The following LRRIQ1 variants were observed in gnomAD, a reference collection of about 807,000 sequenced individuals.
LRRIQ1 encodes the protein leucine rich repeats and IQ motif containing 1.
LRRIQ1 carries 210 observed loss-of-function variants against 211.9 expected under a neutral mutation model. The observed-to-expected ratio is 0.99, with a 90% CI of 0.89 to 1.11. The LOEUF (loss-of-function observed/expected upper bound fraction) is 1.11. Ranked by LOEUF, LRRIQ1 falls within the 50% of genes most tolerant of loss-of-function variation. The pLI, the probability that LRRIQ1 is intolerant of heterozygous loss-of-function variation, is 0.00. For missense variants in LRRIQ1, 2,136 were observed against 1,939.5 expected (o/e 1.10, Z -1.90); for synonymous variants, 699 against 650.1 (o/e 1.08, Z -1.14).
intron 14 of LRRIQ1, 29 bp downstream of exon 14, chr12:85,104,106 A>G (rs1317094208): frequency 8.5e-7 from 1 of 1,177,744 alleles, no homozygotes; most frequent in African/African-American, 1.6e-5. Context: ...ATATATTTTA[A>G]TAATAGACTT....
rs768972522 is a variant in LRRIQ1 at position 85,052,184 on chromosome 12, A to T, written c.686A>T (p.Gln229Leu). The T allele has an allele frequency of 2.4e-5, 36 of 1,520,614 alleles. No homozygotes were observed. Among genetic ancestry groups the T allele is most frequent in the Admixed American group, 9.7e-5 (5 of 51,756 alleles). 94.2% of individuals were successfully genotyped at this position (1,520,614 alleles called of 1,614,324 possible). A position where few individuals can be genotyped will look rare whatever the true frequency, so the allele number is the denominator to read the frequency against. ...KKLENIQKQE[Q>L]DKMNDELYKE... ...TTATTATCATATGTTCAGCAAGAAC[A>T]GGACAAGATGAATGATGAACTCTAT... Residue 229 changes from glutamine to leucine, a missense_variant, in exon 7 of 27, where the codon CAG becomes CTG. Coordinates refer to ENST00000393217, the MANE Select transcript of LRRIQ1 (RefSeq NM_001079910.2).
Position 85,057,056 on chromosome 12 carries a change from A to G in LRRIQ1, c.2263A>G (p.Ile755Val), listed in dbSNP as rs746197325. Reference sequence around the variant, plus strand: ...AAAATCATTTAAACCTTGGCTTGAAATTTTCAAGCAAAATCAACAAAAGAA... The same window carrying G: ...AAAATCATTTAAACCTTGGCTTGAAGTTTTCAAGCAAAATCAACAAAAGAA... ...WIKSFKPWLE[I>V]FKQNQQKKIV... The change falls in exon 8 of 27, where the codon ATT (isoleucine) becomes GTT (valine). Residue 755 changes from isoleucine (I) to valine (V), a missense_variant. Physicochemically the swap from Ile to Val is conservative, Grantham distance 29 (BLOSUM62 3). Coordinates refer to ENST00000393217, the MANE Select transcript of LRRIQ1 (RefSeq NM_001079910.2). 1 of 1,609,088 alleles carries G rather than the reference A, an allele frequency of 6.2e-7. No individual in the cohort carries two copies. Among genetic ancestry groups the G allele is most frequent in the Admixed American group, 1.7e-5 (1 of 58,956 alleles).
chr12:85,173,658 C>T (rs900887923), intron 24 of LRRIQ1, among the ~76,000 whole-genome samples: 1 of 151,940 alleles, frequency 6.6e-6, no homozygotes, highest in African/African-American at 2.4e-5. Context: ...CACACACACA[C>T]AGAAAGAGAG....
intron 26 of LRRIQ1, among the ~76,000 whole-genome samples, chr12:85,236,842 TATATATATATATATCTCCCAG>T (rs1895204630): frequency 6.9e-6 from 1 of 144,776 alleles, no homozygotes; most frequent in Non-Finnish European, 1.5e-5. Flanking sequence ...TATATATATA[TATATATATATATATCTCCCAG>T]ATTATTTTTA....
intron 19 of LRRIQ1, among the ~76,000 whole-genome samples, chr12:85,144,418 A>G (rs78141010): frequency 0.099 from 15,087 of 151,686 alleles, 1,019 homozygotes; most frequent in Middle Eastern, 0.18. Flanking sequence ...GTAAAAATTA[A>G]GAAAGTTTAA....
chr12:85,184,545 A>G (rs1462663139), intron 24 of LRRIQ1, among the ~76,000 whole-genome samples: 2 of 152,048 alleles, frequency 1.3e-5, no homozygotes, highest in African/African-American at 2.4e-5. Flanking sequence ...ATTAAAGAGC[A>G]GTAACTACAA....
At chr12:85,130,180 T>C (rs1888652165) in intron 18 of LRRIQ1, among the ~76,000 whole-genome samples, 1 of 152,178 alleles carries the variant, frequency 6.6e-6, no homozygotes, top group Non-Finnish European at 1.5e-5. Flanking sequence ...AGTATTTCCA[T>C]TTACTTAATT....
At chr12:85,265,447 T>A (rs1288667139), downstream of LRRIQ1, among the ~76,000 whole-genome samples, 1 of 152,022 alleles carries the variant, frequency 6.6e-6, no homozygotes, top group African/African-American at 2.4e-5. Context: ...TAATATGAGA[T>A]GTAATTCTAT....
intron 24 of LRRIQ1, among the ~76,000 whole-genome samples, chr12:85,171,726 G>A (rs1891426824): frequency 6.6e-6 from 1 of 152,124 alleles, no homozygotes. Flanking sequence ...TAATCCAATA[G>A]AATGAATGTC....
At chr12:85,165,267 C>A (rs1056242827) in intron 24 of LRRIQ1, among the ~76,000 whole-genome samples, 1 of 151,828 alleles carries the variant, frequency 6.6e-6, no homozygotes, top group Non-Finnish European at 1.5e-5. Flanking sequence ...AAACAGGTAC[C>A]GTTTTTCAGC....
intron 17 of LRRIQ1, among the ~76,000 whole-genome samples, chr12:85,126,643 T>C (rs1173222841): frequency 6.6e-6 from 1 of 152,216 alleles, no homozygotes; most frequent in Non-Finnish European, 1.5e-5. Context: ...TCTTAGACCA[T>C]ATATTTTAGC....
At chr12:85,225,373 C>CA (rs999556287) in intron 24 of LRRIQ1, among the ~76,000 whole-genome samples, 2 of 151,960 alleles carry the variant, frequency 1.3e-5, no homozygotes, top group Non-Finnish European at 2.9e-5. Context: ...CAAAACAAAA[C>CA]AAAAAAATGT....
intron 11 of LRRIQ1, among the ~76,000 whole-genome samples, chr12:85,087,550 A>G (rs1449861158): frequency 6.6e-6 from 1 of 152,224 alleles, no homozygotes; most frequent in Non-Finnish European, 1.5e-5. Context: ...ACTAGTTTAC[A>G]GTCCCACCAA....
chr12:85,245,422 A>G (rs935272388), downstream of LRRIQ1, among the ~76,000 whole-genome samples: 8 of 150,866 alleles, frequency 5.3e-5, 1 homozygote, highest in South Asian at 1.0e-3. Context: ...TCTATTAATG[A>G]TGACTCTTAA....
chr12:85,252,174 A>G (rs1895964518), intron 1 of LRRIQ1, among the ~76,000 whole-genome samples: 1 of 151,872 alleles, frequency 6.6e-6, no homozygotes, highest in East Asian at 1.9e-4. Context: ...ATTAAAGCCC[A>G]CAACCTCTAC....
At chr12:85,040,358 T>G (rs1878724442) in intron 2 of LRRIQ1, 132 bp from the exon 3 acceptor site, 2 of 483,860 alleles carry the variant, frequency 4.1e-6, no homozygotes, top group East Asian at 6.5e-5. Flanking sequence ...AACTGTGCTG[T>G]TTATATGGAA....
chr12:85,185,139 A>G (rs2136906390), intron 24 of LRRIQ1, among the ~76,000 whole-genome samples: 1 of 152,072 alleles, frequency 6.6e-6, no homozygotes, highest in African/African-American at 2.4e-5. Context: ...GTGATATGCC[A>G]TATTACTCAT....
chr12:85,214,054 A>T (rs1476257288), intron 24 of LRRIQ1, among the ~76,000 whole-genome samples: 1 of 151,974 alleles, frequency 6.6e-6, no homozygotes. Flanking sequence ...AACCTAGAAA[A>T]ATATAATTTC....
intron 5 of LRRIQ1, among the ~76,000 whole-genome samples, chr12:85,046,778 T>A (rs1232887784): frequency 6.6e-6 from 1 of 151,978 alleles, no homozygotes; most frequent in East Asian, 1.9e-4. Flanking sequence ...ATAGACTGGA[T>A]TAAGAAAATG....
Sources: allele counts gnomAD v4.1 joint callset (sites outside exome capture counted in the v4.1 genomes callset), GRCh38; gene constraint gnomAD v4.1.1; transcripts MANE v1.5; gene names NCBI Gene and HGNC (gene_info 2026-07-23, HGNC 2026-07-21).